Variants in SYT1 observed in about 807,000 individuals in gnomAD.
SYT1 encodes the protein synaptotagmin 1.
Under a neutral mutation model 44.8 loss-of-function variants are expected in SYT1, and 8 were observed. That is an observed-to-expected ratio of 0.18 (90% CI 0.10 to 0.32). SYT1 has a LOEUF of 0.32. SYT1 is among the 10% of genes least tolerant of loss of function. The probability of loss-of-function intolerance (pLI) is 1.00; values close to 1 mark genes in which losing one functional copy is unlikely to be tolerated. For missense variants in SYT1, 286 were observed against 509.3 expected, an observed-to-expected ratio of 0.56 and a Z score of 4.22; for synonymous variants, 154 against 188.8, an observed-to-expected ratio of 0.82 and a Z score of 1.51.
chr12:79,163,245 ATG>A, intron 3 of SYT1, among the ~76,000 whole-genome samples: 1 of 152,094 alleles, frequency 6.6e-6, no homozygotes, highest in East Asian at 1.9e-4. Flanking sequence ...TTCAGTGTTC[ATG>A]GTAATTAGGA....
intron 1 of SYT1, among the ~76,000 whole-genome samples, chr12:78,881,775 A>C (rs934918641): frequency 6.6e-6 from 1 of 151,526 alleles, no homozygotes; most frequent in Non-Finnish European, 1.5e-5. Flanking sequence ...GATAGAAAAA[A>C]AAAGAGGAGA....
intron 1 of SYT1, among the ~76,000 whole-genome samples, chr12:78,870,910 A>G (rs1873789210): frequency 6.6e-6 from 1 of 152,084 alleles, no homozygotes; most frequent in Admixed American, 6.6e-5. Flanking sequence ...GCAGAGCTGT[A>G]CTTACGTGAA....
At chr12:79,228,197 C>A (rs192023456) in intron 4 of SYT1, among the ~76,000 whole-genome samples, 107 of 152,108 alleles carry the variant, frequency 7.0e-4, no homozygotes, top group South Asian at 1.7e-3. Context: ...CTAAAAATTT[C>A]TTCCCCTACT....
At chr12:78,983,017 A>G (rs1202679691) in intron 2 of SYT1, among the ~76,000 whole-genome samples, 1 of 152,110 alleles carries the variant, frequency 6.6e-6, no homozygotes, top group Non-Finnish European at 1.5e-5. Flanking sequence ...ATATATAAAT[A>G]ATAAGACCCA....
intron 9 of SYT1, among the ~76,000 whole-genome samples, chr12:79,431,693 G>T (rs1216490097): frequency 2.0e-5 from 3 of 151,936 alleles, no homozygotes; most frequent in Non-Finnish European, 4.4e-5. Flanking sequence ...ACAGGCATGT[G>T]CCACCACACC....
At chr12:78,967,583 A>C (rs1378866087) in intron 1 of SYT1, among the ~76,000 whole-genome samples, 1 of 152,160 alleles carries the variant, frequency 6.6e-6, no homozygotes, top group Non-Finnish European at 1.5e-5. Flanking sequence ...CTGGGCTAGG[A>C]AACACAAAAT....
At chr12:79,341,827 C>G (rs1297429420) in intron 8 of SYT1, among the ~76,000 whole-genome samples, 1 of 152,008 alleles carries the variant, frequency 6.6e-6, no homozygotes, top group Admixed American at 6.5e-5. Context: ...CGCCACCATG[C>G]CCAGCTAATT....
intron 1 of SYT1, among the ~76,000 whole-genome samples, chr12:78,893,555 G>A (rs1205658307): frequency 6.6e-6 from 1 of 151,716 alleles, no homozygotes; most frequent in Non-Finnish European, 1.5e-5. Context: ...TGAACTATAA[G>A]AGAATATCCT....
intron 3 of SYT1, among the ~76,000 whole-genome samples, chr12:79,205,497 A>G (rs1565854379): frequency 6.6e-6 from 1 of 152,244 alleles, no homozygotes; most frequent in African/African-American, 2.4e-5. Flanking sequence ...TAAGTGGATT[A>G]TCAGCAAAAC....
At chr12:79,308,620 GAAAGAAAGAA>G (rs1880586142) in intron 8 of SYT1, among the ~76,000 whole-genome samples, 2 of 24,978 alleles carry the variant, frequency 8.0e-5, no homozygotes, top group Non-Finnish European at 1.7e-4. Context: ...GAAAAAGAAA[GAAAGAAAGAA>G]AGAAAGAAAG....
At chr12:79,317,989 T>C (rs1462858608) in intron 8 of SYT1, among the ~76,000 whole-genome samples, 2 of 152,196 alleles carry the variant, frequency 1.3e-5, no homozygotes, top group Non-Finnish European at 2.9e-5. Flanking sequence ...TATAAGATAC[T>C]GAGCTGTGAA....
intron 9 of SYT1, among the ~76,000 whole-genome samples, chr12:79,366,693 C>T (rs1191221391): frequency 6.6e-6 from 1 of 152,124 alleles, no homozygotes; most frequent in Non-Finnish European, 1.5e-5. Context: ...GTCTGTTCAT[C>T]TATAAAACTA....
intron 7 of SYT1, 74 bp downstream of exon 7, chr12:79,296,310 C>A: frequency 7.0e-7 from 1 of 1,429,374 alleles, no homozygotes; most frequent in South Asian, 1.4e-5. Context: ...CTGACACATA[C>A]ATAGACATGC....
At chr12:79,087,424 TTA>T (rs1217641615) in intron 3 of SYT1, among the ~76,000 whole-genome samples, 3 of 152,168 alleles carry the variant, frequency 2.0e-5, no homozygotes, top group Non-Finnish European at 4.4e-5. Context: ...TATGTTAATA[TTA>T]TATTTCTTTA....
intron 3 of SYT1, among the ~76,000 whole-genome samples, chr12:79,200,987 G>A (rs73361449): frequency 0.046 from 7,063 of 152,174 alleles, 320 homozygotes; most frequent in East Asian, 0.12. Flanking sequence ...TGGAATCAGA[G>A]GGTTATCACA....
intron 3 of SYT1, among the ~76,000 whole-genome samples, chr12:79,104,477 G>C (rs1374251320): frequency 4.6e-5 from 7 of 151,970 alleles, no homozygotes; most frequent in Admixed American, 4.6e-4. Context: ...TTATGATTAG[G>C]AAATAATGGG....
rs547691858 is a variant in SYT1, at chr12:79,178,527, T to C, written c.-17-38976T>C. Among the ~76,000 whole-genome samples, 5 of 152,124 alleles carry C rather than the reference T, an allele frequency of 3.3e-5. No individual in the cohort carries two copies. In the East Asian group the frequency reaches 5.8e-4, roughly 18 times the overall value. On this transcript the variant is annotated intron_variant, in intron 3 of 10. Coordinates refer to ENST00000261205, the MANE Select transcript of SYT1 (RefSeq NM_005639.3). ...TGTTCCAGACATTTGTTTTTTGTTT[T>C]GTTTTGTTTTGTTTTTTGTTTTTTT... is the stretch of plus-strand genomic sequence containing the variant.
intron 8 of SYT1, among the ~76,000 whole-genome samples, chr12:79,346,734 C>T (rs1304409933): frequency 2.6e-5 from 4 of 152,188 alleles, no homozygotes; most frequent in African/African-American, 7.2e-5. Flanking sequence ...AATGGAGACA[C>T]TGTTGTTAAA....
intron 1 of SYT1, among the ~76,000 whole-genome samples, chr12:78,957,833 T>C (rs1273332816): frequency 6.6e-6 from 1 of 152,136 alleles, no homozygotes; most frequent in Non-Finnish European, 1.5e-5. Context: ...TCCTACAAAA[T>C]GTAGAAAATC....
Sources: gnomAD v4.1 joint callset for allele counts (sites outside exome capture counted in the v4.1 genomes callset) on GRCh38, gnomAD v4.1.1 for gene constraint, MANE v1.5 for transcripts, NCBI Gene and HGNC (gene_info 2026-07-23, HGNC 2026-07-21) for gene names.